Variants in DYNC2H1 observed in about 807,000 individuals in gnomAD.
DYNC2H1 encodes cytoplasmic dynein 2 heavy chain 1.
DYNC2H1 carries 410 observed loss-of-function variants against 570.0 expected under a neutral mutation model. That is an observed-to-expected ratio of 0.72 (90% CI 0.66 to 0.78). DYNC2H1 has a LOEUF of 0.78. DYNC2H1 is among the 30% of genes least tolerant of loss of function. DYNC2H1 has a pLI of 0.00. For synonymous variants in DYNC2H1, 1,688 were observed against 1,677.6 expected, an observed-to-expected ratio of 1.01 and a Z score of -0.15; for missense variants, 4,865 against 5,046.4, an observed-to-expected ratio of 0.96 and a Z score of 1.09.
Position 103,257,706 on chromosome 11 carries a change from G to C in DYNC2H1, c.10560G>C (p.Leu3520Phe). ...TTAATAACATGTACCGTTTTAGTTTGGCTGCTTTTCTCCGACTTTTCCAAC... is the reference window on the plus strand; with the variant it reads ...TTAATAACATGTACCGTTTTAGTTTCGCTGCTTTTCTCCGACTTTTCCAAC... ...SKINNMYRFSLAAFLRLFQRA... is the reference protein window; with the variant it reads ...SKINNMYRFSFAAFLRLFQRA... The change falls in exon 69 of 89, where the codon TTG becomes TTC. Residue 3520 changes from leucine (L) to phenylalanine (F), a missense_variant. Physicochemically the swap from Leu to Phe is conservative, Grantham distance 22. Coordinates refer to ENST00000375735, the MANE Select transcript of DYNC2H1 (RefSeq NM_001377.3). 1 of 1,608,814 alleles carries C rather than the reference G, an allele frequency of 6.2e-7. No individual in the cohort carries two copies. The highest frequency in any genetic ancestry group is 1.1e-5 in the South Asian group (1 of 90,060).
chr11:103,322,215 C>T (rs1938244366), intron 81 of DYNC2H1, among the ~76,000 whole-genome samples: 1 of 152,076 alleles, frequency 6.6e-6, no homozygotes, highest in Non-Finnish European at 1.5e-5. Context: ...TACCTTCTAG[C>T]AGAACCTTAG....
At chr11:103,310,840 A>G (rs7116566) in intron 78 of DYNC2H1, among the ~76,000 whole-genome samples, 26,215 of 151,238 alleles carry the variant, frequency 0.17, 2,453 homozygotes, top group Admixed American at 0.26. Context: ...ACAAGTGTGC[A>G]CCACCACACC....
At chr11:103,374,247 G>A (rs571209334) in intron 83 of DYNC2H1, among the ~76,000 whole-genome samples, 2 of 152,114 alleles carry the variant, frequency 1.3e-5, no homozygotes, top group Non-Finnish European at 2.9e-5. Context: ...TGAATCATGG[G>A]GGGTGGTTTT....
chr11:103,401,116 T>G (rs777770334), intron 84 of DYNC2H1, among the ~76,000 whole-genome samples: 6 of 152,180 alleles, frequency 3.9e-5, no homozygotes, highest in Non-Finnish European at 7.4e-5. Context: ...CAGTAACATC[T>G]TGAGTGACAT....
At position 103,187,579 on chromosome 11, in the gene DYNC2H1, T is replaced by C. The variant is rs1183403732; in HGVS notation, c.7133T>C (p.Leu2378Pro). The stretch of plus-strand genomic sequence containing the variant: ...GGGACCAGTACTTTGGTAGCATTCC[T>C]ACAACAGGTAAGTCATATTGCTTGA... ...KWGTSTLVAF[L>P]QQVLTYQGFY... Residue 2378 changes from leucine to proline, a missense_variant, in exon 43 of 89, where the codon CTA (leucine) becomes CCA (proline). Leu to Pro is a moderately conservative substitution (Grantham distance 98, BLOSUM62 -3). Around this residue, in one of 5 missense-constraint regions of DYNC2H1, gnomAD observed 2,401 missense variants for 2,454.6 expected, o/e 0.98. Transcript: ENST00000375735. The C allele has an allele frequency of 6.2e-7, 1 of 1,612,716 alleles. No homozygotes were observed. Among genetic ancestry groups the C allele is most frequent in the African/African-American group, 1.3e-5 (1 of 74,990 alleles).
chr11:103,191,482 A>G lies in DYNC2H1; in HGVS notation c.7438-35A>G, dbSNP rs750162099. On this transcript the variant is annotated intron_variant, in intron 45 of 88. Coordinates refer to ENST00000375735, the MANE Select transcript of DYNC2H1 (RefSeq NM_001377.3). ...TTATAACATGATTATTATTTAAGGC[A>G]GTAGAAAGATTGTTTACTGTATTTT... 9.6e-6 allele frequency: 14 copies of G among 1,462,910 alleles called. 1 individual carries two copies. In the South Asian group the frequency reaches 1.6e-4, roughly 16 times the overall value. The allele number at this position is 1,462,910 out of a possible 1,614,324, so 90.6% of individuals were successfully genotyped here. A position where few individuals can be genotyped will look rare whatever the true frequency, so the allele number is the denominator to read the frequency against.
At chr11:103,408,246 C>G (rs1253455631) in intron 84 of DYNC2H1, 1 of 151,892 alleles carries the variant, frequency 6.6e-6, no homozygotes, top group African/African-American at 2.4e-5. Flanking sequence ...TTGAAGCAGT[C>G]CGTAGGAGCC....
chr11:103,305,614 A>G lies in DYNC2H1; in HGVS notation c.11382+894A>G, dbSNP rs1236592360. The stretch of plus-strand genomic sequence containing the variant: ...TGGCAGTGGTATATAGAATAGAAAC[A>G]AACAGAATAGAGTAAATTGAGGGAG... On this transcript the variant is annotated intron_variant, in intron 77 of 88. Transcript: ENST00000375735. The surrounding 1 kb of genome is among the most constrained non-coding windows in gnomAD (Gnocchi z 4.3). Among the ~76,000 whole-genome samples the G allele has an allele frequency of 6.6e-6, 1 of 152,136 alleles. No individual in the cohort carries two copies. Among genetic ancestry groups the G allele is most frequent in the Non-Finnish European group, 1.5e-5 (1 of 68,022 alleles).
rs1488412410 is a variant in DYNC2H1 at position 103,337,633 on chromosome 11, G to A, written c.12039+13643G>A. Among the ~76,000 whole-genome samples the A allele has an allele frequency of 5.3e-5, 8 of 152,288 alleles. No individual in the cohort carries two copies. In the East Asian group the frequency reaches 1.5e-3, roughly 29 times the overall value. ...TTGATTTCTATTTCTCTGATGAGTAGTGATGTTGAGGATTGTTTTCTATAC... is the reference window on the plus strand; with the variant it reads ...TTGATTTCTATTTCTCTGATGAGTAATGATGTTGAGGATTGTTTTCTATAC... On this transcript the variant is annotated intron_variant, in intron 82 of 88. Transcript: ENST00000375735.
At chr11:103,288,963 C>T (rs1866477135) in intron 75 of DYNC2H1, among the ~76,000 whole-genome samples, 1 of 151,644 alleles carries the variant, frequency 6.6e-6, no homozygotes, top group Non-Finnish European at 1.5e-5. Flanking sequence ...CTTCAAATGG[C>T]TCCTGGGGAT....
Position 103,256,955 on chromosome 11 carries a change from G to A in DYNC2H1, c.10462-653G>A, listed in dbSNP as rs568113764. On this transcript the variant is annotated intron_variant, in intron 68 of 88. Transcript: ENST00000375735. This position sits in a 1 kb window ranked among gnomAD's most constrained non-coding sequence, Gnocchi z 4.0. ...TTGGTCCTCATTAAGACCAATCTGTGAACCACTTCTAGCTCTGTCAACTGA... is the reference window on the plus strand; with the variant it reads ...TTGGTCCTCATTAAGACCAATCTGTAAACCACTTCTAGCTCTGTCAACTGA... Among the ~76,000 whole-genome samples, 3 of 152,234 alleles carry A rather than the reference G, an allele frequency of 2.0e-5. No homozygotes were observed. The highest frequency in any genetic ancestry group is 2.9e-5 in the Non-Finnish European group (2 of 68,016).
chr11:103,237,681 T>G (rs1864271649), intron 63 of DYNC2H1, among the ~76,000 whole-genome samples: 1 of 152,010 alleles, frequency 6.6e-6, no homozygotes, highest in Non-Finnish European at 1.5e-5. Context: ...TCCCTAAGGT[T>G]TCATAGCCAC....
chr11:103,310,943 C>T (rs1013588046), intron 78 of DYNC2H1, among the ~76,000 whole-genome samples: 9 of 151,848 alleles, frequency 5.9e-5, no homozygotes, highest in African/African-American at 2.2e-4. Flanking sequence ...CTCAAGTGAT[C>T]CACACACCTC....
chr11:103,401,492 T>C (rs1370388060), intron 84 of DYNC2H1, among the ~76,000 whole-genome samples: 2 of 152,228 alleles, frequency 1.3e-5, no homozygotes, highest in East Asian at 1.9e-4. Context: ...AGAAAGGAAC[T>C]TGGATTAAAT....
At chr11:103,316,735 TTTTTA>T (rs1354633870) in intron 80 of DYNC2H1, 115 bp downstream of exon 80, 2 of 735,322 alleles carry the variant, frequency 2.7e-6, no homozygotes, top group African/African-American at 3.7e-5. Flanking sequence ...TTGCTTGTGC[TTTTTA>T]TTTTATTTTT....
At chr11:103,303,735 C>T (rs114795570) in intron 76 of DYNC2H1, among the ~76,000 whole-genome samples, 1,652 of 152,212 alleles carry the variant, frequency 0.011, 33 homozygotes, top group African/African-American at 0.037. Context: ...TGTTTTCAAA[C>T]TCAGACCCTT....
chr11:103,300,031 G>T (rs577460923), intron 75 of DYNC2H1, among the ~76,000 whole-genome samples: 1 of 152,028 alleles, frequency 6.6e-6, no homozygotes, highest in African/African-American at 2.4e-5. Context: ...ATAAAAGAAA[G>T]GTAATTTTAT....
At position 103,234,142 on chromosome 11, in the gene DYNC2H1, T is replaced by G; in HGVS notation, c.9549T>G (p.His3183Gln). Residue 3183 changes from histidine (H) to glutamine (Q), a missense_variant, in exon 61 of 89, where the codon CAT becomes CAG. His to Gln is a conservative substitution (Grantham distance 24, BLOSUM62 0). This residue lies in a region of DYNC2H1 where 2,401 missense variants were observed against 2,454.6 expected (regional missense o/e 0.98). Transcript: ENST00000375735. Reference sequence around the variant, plus strand: ...TAATTAATCAGCTTGACAGAGAACATAAGAGATGGAATGCACAGGTTTGTT... The same window carrying G: ...TAATTAATCAGCTTGACAGAGAACAGAAGAGATGGAATGCACAGGTTTGTT... ...EVLINQLDRE[H>Q]KRWNAQVVEI... 1 of 1,584,678 alleles carries G rather than the reference T, an allele frequency of 6.3e-7. No homozygotes were observed. Among genetic ancestry groups the G allele is most frequent in the Non-Finnish European group, 8.6e-7 (1 of 1,164,104 alleles).
chr11:103,417,518 T>A (rs1462661672), intron 84 of DYNC2H1, among the ~76,000 whole-genome samples: 3 of 152,162 alleles, frequency 2.0e-5, no homozygotes, highest in African/African-American at 7.2e-5. Context: ...GTAAATTGAA[T>A]CCAACAAAAT....
Sources: gnomAD v4.1 joint callset for allele counts (sites outside exome capture counted in the v4.1 genomes callset) on GRCh38, gnomAD v4.1.1 for gene constraint, gnomAD v4.1.1 regional missense constraint, Gnocchi (gnomAD v3.1) non-coding constraint, MANE v1.5 for transcripts, NCBI Gene and HGNC (gene_info 2026-07-23, HGNC 2026-07-21) for gene names.